Variants in OSBPL5 observed in about 807,000 individuals in gnomAD.
OSBPL5 encodes the protein oxysterol binding protein like 5.
In OSBPL5, 71 loss-of-function variants were observed where a neutral mutation model predicts 111.2. That is an observed-to-expected ratio of 0.64 (90% CI 0.53 to 0.78). The LOEUF is 0.78. Ranked by LOEUF, OSBPL5 falls within the 30% of genes least tolerant of loss-of-function variation. OSBPL5 has a pLI of 0.00. For missense variants in OSBPL5, 1,210 were observed against 1,189.3 expected, an observed-to-expected ratio of 1.02 and a Z score of -0.26; for synonymous variants, 549 against 513.9, an observed-to-expected ratio of 1.07 and a Z score of -0.93.
At chr11:3,138,630 G>A (rs911886485) in intron 1 of OSBPL5, among the ~76,000 whole-genome samples, 6 of 152,224 alleles carry the variant, frequency 3.9e-5, no homozygotes, top group Admixed American at 2.0e-4. Flanking sequence ...CGTGCTGTGG[G>A]GCTGGCCTCT....
chr11:3,096,008 T>C (rs1564823836), intron 14 of OSBPL5, among the ~76,000 whole-genome samples: 1 of 151,102 alleles, frequency 6.6e-6, no homozygotes, highest in Non-Finnish European at 1.5e-5. Flanking sequence ...AATCAATTCG[T>C]GGTTTATAGG....
chr11:3,121,055 T>C lies in OSBPL5; in HGVS notation c.403-431A>G, dbSNP rs1489171995. 6.9e-6 allele frequency among the ~76,000 whole-genome samples: 1 copy of C among 144,060 alleles called. No homozygotes were observed. The highest frequency in any genetic ancestry group is 1.5e-5 in the Non-Finnish European group (1 of 65,782). The allele number at this position is 144,060 out of a possible 152,430, so 94.5% of individuals were successfully genotyped here. On this transcript the variant is annotated intron_variant, in intron 5 of 21. Coordinates refer to ENST00000263650, the MANE Select transcript of OSBPL5 (RefSeq NM_020896.4). The surrounding 1 kb of genome is among the most constrained non-coding windows in gnomAD (Gnocchi z 4.3). Reference sequence around the variant, plus strand: ...GTGTGACTTGTAACTGGCAGCTTTGTAGATTCTTTTTTTTTTTTTTTTTGA... The same window carrying C: ...GTGTGACTTGTAACTGGCAGCTTTGCAGATTCTTTTTTTTTTTTTTTTTGA...
chr11:3,124,306 G>A (rs540286413), intron 3 of OSBPL5, among the ~76,000 whole-genome samples: 16 of 152,260 alleles, frequency 1.1e-4, no homozygotes, highest in Admixed American at 3.3e-4. Flanking sequence ...AAGATGGGGT[G>A]CCTGGGGGGC....
At position 3,129,015 on chromosome 11, in the gene OSBPL5, G is replaced by A. The variant is rs747760091; in HGVS notation, c.134C>T (p.Pro45Leu). Residue 45 changes from proline to leucine, a missense_variant and splice_region_variant, in exon 2 of 22, where the codon CCA becomes CTA. Coordinates refer to ENST00000263650, the MANE Select transcript of OSBPL5 (RefSeq NM_020896.4). ...SGDNELYPLS[P>L]GKDMEPNGPS... ...CCCTGCCCACGGCCGGCACTTACCT[G>A]GGCTGAGTGGGTAGAGCTCATTGTC... is the stretch of plus-strand genomic sequence containing the variant. The A allele has an allele frequency of 3.2e-6, 5 of 1,575,180 alleles. No homozygotes were observed. Among genetic ancestry groups the A allele is most frequent in the African/African-American group, 1.4e-5 (1 of 72,738 alleles).
At chr11:3,101,119 C>T (rs1007091864) in intron 13 of OSBPL5, among the ~76,000 whole-genome samples, 18 of 151,980 alleles carry the variant, frequency 1.2e-4, no homozygotes, top group Admixed American at 8.5e-4. Flanking sequence ...GGATGACAGG[C>T]ACGTGCCACC....
chr11:3,125,883 G>A lies in OSBPL5; in HGVS notation c.219+590C>T, dbSNP rs549137636. Among the ~76,000 whole-genome samples, 4 of 152,212 alleles carry A rather than the reference G, an allele frequency of 2.6e-5. No homozygotes were observed. The East Asian group carries it at 7.7e-4, about 29-fold the overall frequency. ...TGTAGTCCCAGCTCCTCGGGAGGCT[G>A]AGGCAGGAGAATGGCGTGAACTTGG... On this transcript the variant is annotated intron_variant, in intron 3 of 21. Transcript: ENST00000263650.
chr11:3,088,827 C>T lies in OSBPL5; in HGVS notation c.2502-484G>A, dbSNP rs114474200. Among the ~76,000 whole-genome samples, 432 of 152,270 alleles carry T rather than the reference C, an allele frequency of 2.8e-3. 2 individuals carry two copies. Among genetic ancestry groups the T allele is most frequent in the African/African-American group, 9.2e-3 (384 of 41,542 alleles). On this transcript the variant is annotated intron_variant, in intron 21 of 21. Transcript: ENST00000263650. Reference sequence around the variant, plus strand: ...AGACACAGACACAGCGAGAAGCTGGCGTCTGCCAGGCAGGAGAGAGGTCTC... The same window carrying T: ...AGACACAGACACAGCGAGAAGCTGGTGTCTGCCAGGCAGGAGAGAGGTCTC...
Position 3,107,189 on chromosome 11 carries a change from T to G in OSBPL5, c.1059+74A>C, listed in dbSNP as rs1003955096. ...TGCGTGCTCCCCCTAGGATGAGGCA[T>G]GGCTACCTCTGCTTCCGGAACAAGG... On this transcript the variant is annotated intron_variant, in intron 9 of 21. Transcript: ENST00000263650. This position sits in a 1 kb window ranked among gnomAD's most constrained non-coding sequence, Gnocchi z 6.1. 2.6e-6 allele frequency: 4 copies of G among 1,531,224 alleles called. No individual in the cohort carries two copies. Among genetic ancestry groups the G allele is most frequent in the Non-Finnish European group, 3.5e-6 (4 of 1,135,112 alleles). 94.9% of individuals were successfully genotyped at this position (1,531,224 alleles called of 1,614,324 possible).
At chr11:3,125,165 G>C (rs1432141253) in intron 3 of OSBPL5, among the ~76,000 whole-genome samples, 2 of 152,254 alleles carry the variant, frequency 1.3e-5, no homozygotes, top group Non-Finnish European at 2.9e-5. Flanking sequence ...GCACCTGAGA[G>C]ATGAGAAGTG....
rs1857612698 is a variant in OSBPL5, at chr11:3,104,100, G to A, written c.1244+93C>T. ...AGATCAGCCATGGGATTCTCTGGAA[G>A]CCCCCACAGGGCAGGTAGGGGCTGG... On this transcript the variant is annotated intron_variant, in intron 10 of 21. Transcript: ENST00000263650. The surrounding 1 kb of genome is among the most constrained non-coding windows in gnomAD (Gnocchi z 5.0). 7.3e-7 allele frequency: 1 copy of A among 1,377,522 alleles called. No individual in the cohort carries two copies. Among genetic ancestry groups the A allele is most frequent in the Admixed American group, 2.2e-5 (1 of 46,016 alleles). The allele number at this position is 1,377,522 out of a possible 1,614,324, so 85.3% of individuals were successfully genotyped here.
At chr11:3,149,154 C>A (rs1031126176) in intron 1 of OSBPL5, among the ~76,000 whole-genome samples, 2 of 152,158 alleles carry the variant, frequency 1.3e-5, no homozygotes, top group African/African-American at 4.8e-5. Flanking sequence ...AGGCTTCCAG[C>A]CTTATCAGCT....
rs571356329 is a variant in OSBPL5 at position 3,091,724 on chromosome 11, C to T, written c.2259+708G>A. The stretch of plus-strand genomic sequence containing the variant: ...CTTGGCAGGCAGAGCATGGGACATG[C>T]AGCCAAGGAGATACCGCGGCCCCCA... On this transcript the variant is annotated intron_variant, in intron 19 of 21. Transcript: ENST00000263650. Among the ~76,000 whole-genome samples the T allele has an allele frequency of 5.9e-5, 9 of 152,282 alleles. No homozygotes were observed. In the East Asian group the frequency reaches 9.6e-4, roughly 16 times the overall value.
intron 21 of OSBPL5, 113 bp downstream of exon 21, chr11:3,089,733 C>T (rs1343703215): frequency 7.2e-5 from 69 of 964,918 alleles, no homozygotes; most frequent in Non-Finnish European, 4.8e-5. Flanking sequence ...GTTCCAGCTC[C>T]GATGACAACC....
chr11:3,154,380 G>A lies in OSBPL5; in HGVS notation c.-22+10836C>T, dbSNP rs77924565. ...TTGCCGGTGGGACAGAGTGGCTGAC[G>A]GCGTGTGGCACAGGCGGGGTGAGCC... On this transcript the variant is annotated intron_variant, in intron 1 of 21. Transcript: ENST00000263650. The surrounding 1 kb of genome is among the most constrained non-coding windows in gnomAD (Gnocchi z 4.9). 0.027 allele frequency among the ~76,000 whole-genome samples: 4,060 copies of A among 152,332 alleles called. 113 individuals carry two copies. The highest frequency in any genetic ancestry group is 0.06 in the African/African-American group (2,493 of 41,576).
In OSBPL5 at chr11:3,087,945, G is replaced by A. The variant is rs554900522; in HGVS notation, c.*260C>T. On this transcript the variant is annotated 3_prime_UTR_variant, in exon 22 of 22. Coordinates refer to ENST00000263650, the MANE Select transcript of OSBPL5 (RefSeq NM_020896.4). ...ACGGCAAGATGGCCAGGAGTGCGTC[G>A]CACAGCAGAAGCTGCATTTGGCTTT... The A allele has an allele frequency of 7.0e-4, 241 of 346,714 alleles. 3 individuals are homozygous for A. Among genetic ancestry groups the A allele is most frequent in the South Asian group, 6.4e-3 (54 of 8,496 alleles). The allele number at this position is 346,714 out of a possible 1,614,324, so 21.5% of individuals were successfully genotyped here. A position where few individuals can be genotyped will look rare whatever the true frequency, so the allele number is the denominator to read the frequency against.
rs767592408 is a variant in OSBPL5 at position 3,120,436 on chromosome 11, G to A, written c.591C>T (p.Ser197=). Residue 197 remains serine (S), a synonymous_variant, in exon 6 of 22, where the codon TCC becomes TCT. Transcript: ENST00000263650. ...CFKLFHPLDQ[S]VWAVKGPKGE... Reference sequence around the variant, plus strand: ...TCCGCAGCACCTTCACGGCCCAGACGGACTGATCCAGCGGGTGGAAGAGCT... The same window carrying A: ...TCCGCAGCACCTTCACGGCCCAGACAGACTGATCCAGCGGGTGGAAGAGCT... 8.7e-6 allele frequency: 14 copies of A among 1,613,050 alleles called. No individual in the cohort carries two copies. Among genetic ancestry groups the A allele is most frequent in the South Asian group, 6.6e-5 (6 of 91,070 alleles).
chr11:3,088,779 G>A (rs1856960259), intron 21 of OSBPL5, among the ~76,000 whole-genome samples: 2 of 152,158 alleles, frequency 1.3e-5, no homozygotes, highest in African/African-American at 4.8e-5. Flanking sequence ...TGGGACTGGT[G>A]TCCTTATATG....
Position 3,091,368 on chromosome 11 carries a change from G to A in OSBPL5, c.2260-672C>T, listed in dbSNP as rs1298590087. 4.6e-5 allele frequency among the ~76,000 whole-genome samples: 7 copies of A among 152,304 alleles called. No individual in the cohort carries two copies. In the East Asian group the frequency reaches 5.8e-4, roughly 13 times the overall value. On this transcript the variant is annotated intron_variant, in intron 19 of 21. Transcript: ENST00000263650. ...CTCTGCATTGGGTGTGGTCAGCGAC[G>A]GGGCAGGTGGGGTCAGAGCCAGGAC...
rs552811452 is a variant in OSBPL5, at chr11:3,107,175, C to G, written c.1059+88G>C. 1.5e-3 allele frequency: 2,179 copies of G among 1,476,090 alleles called. 3 individuals are homozygous for G. Among genetic ancestry groups the G allele is most frequent in the Non-Finnish European group, 1.9e-3 (2,047 of 1,093,682 alleles). The allele number at this position is 1,476,090 out of a possible 1,614,324, so 91.4% of individuals were successfully genotyped here. A position where few individuals can be genotyped will look rare whatever the true frequency, so the allele number is the denominator to read the frequency against. Reference sequence around the variant, plus strand: ...TACCCCCTGGGCCCTGCGTGCTCCCCCTAGGATGAGGCATGGCTACCTCTG... The same window carrying G: ...TACCCCCTGGGCCCTGCGTGCTCCCGCTAGGATGAGGCATGGCTACCTCTG... On this transcript the variant is annotated intron_variant, in intron 9 of 21. Coordinates refer to ENST00000263650, the MANE Select transcript of OSBPL5 (RefSeq NM_020896.4). The surrounding 1 kb of genome is among the most constrained non-coding windows in gnomAD (Gnocchi z 6.1).
Sources: allele counts gnomAD v4.1 joint callset (sites outside exome capture counted in the v4.1 genomes callset), GRCh38; gene constraint gnomAD v4.1.1; non-coding constraint Gnocchi (gnomAD v3.1); transcripts MANE v1.5; gene names NCBI Gene and HGNC (gene_info 2026-07-23, HGNC 2026-07-21).